Variants in DLGAP4 observed in about 807,000 individuals in gnomAD.
The protein encoded by DLGAP4 is DLG associated protein 4, also known as disks large-associated protein 4.
Under a neutral mutation model 86.9 loss-of-function variants are expected in DLGAP4, and 18 were observed. The ratio of observed to expected loss-of-function variants is 0.21; its 90% CI spans 0.14 to 0.31. DLGAP4 has a LOEUF of 0.31. Among genes scored for constraint, DLGAP4 ranks in the 10% least tolerant of loss-of-function variants. The pLI is 1.00. For missense variants in DLGAP4, 1,085 were observed against 1,362.6 expected, an observed-to-expected ratio of 0.80 and a Z score of 3.21; for synonymous variants, 548 against 574.3, an observed-to-expected ratio of 0.95 and a Z score of 0.65.
At chr20:36,461,407 C>CGGGGGGCGGG (rs1569506325) in intron 7 of DLGAP4, 14 of 961,168 alleles carry the variant, frequency 1.5e-5, no homozygotes, top group East Asian at 1.2e-4. Context: ...GCGGCTGACG[C>CGGGGGGCGGG]GGGGGGCGGG....
intron 7 of DLGAP4, among the ~76,000 whole-genome samples, chr20:36,453,452 TCA>T (rs2033793569): frequency 6.6e-6 from 1 of 151,870 alleles, no homozygotes; most frequent in African/African-American, 2.4e-5. Context: ...GAGTTCAAGA[TCA>T]GCCTGGGCAA....
chr20:36,378,834 T>C (rs1172250532), intron 2 of DLGAP4, among the ~76,000 whole-genome samples: 1 of 151,982 alleles, frequency 6.6e-6, no homozygotes. Context: ...TAATTCTATT[T>C]GGCTGGAGTA....
intron 7 of DLGAP4, among the ~76,000 whole-genome samples, chr20:36,466,928 C>G (rs1569509407): frequency 6.9e-6 from 1 of 145,466 alleles, no homozygotes; most frequent in Non-Finnish European, 1.5e-5. Context: ...CGCTCTTGCT[C>G]TCTCTCTCTC....
At position 36,485,364 on chromosome 20, in the gene DLGAP4, A is replaced by C. The variant is rs928494476; in HGVS notation, c.1649-11341A>C. 1.2e-3 allele frequency among the ~76,000 whole-genome samples: 181 copies of C among 152,216 alleles called. 1 individual carries two copies. Among genetic ancestry groups the C allele is most frequent in the Non-Finnish European group, 2.2e-3 (151 of 67,998 alleles). ...GAGACCCTGTCCCAAAAAAAAAAAA[A>C]AAAAACTGCTAGCTAATTTGAAATG... On this transcript the variant is annotated intron_variant, in intron 7 of 12. Transcript: ENST00000339266.
intron 1 of DLGAP4, among the ~76,000 whole-genome samples, chr20:36,319,659 C>A (rs1223077277): frequency 1.3e-5 from 2 of 152,170 alleles, no homozygotes; most frequent in African/African-American, 4.8e-5. Context: ...GGTCCAAAGA[C>A]CTCAGGGGTG....
At chr20:36,448,119 G>T (rs1488820216) in intron 7 of DLGAP4, among the ~76,000 whole-genome samples, 1 of 151,956 alleles carries the variant, frequency 6.6e-6, no homozygotes, top group Non-Finnish European at 1.5e-5. Context: ...ACTTTGGGGG[G>T]CCGAGGCAGA....
intron 2 of DLGAP4, among the ~76,000 whole-genome samples, chr20:36,394,255 G>A (rs2031874305): frequency 1.3e-5 from 2 of 152,156 alleles, no homozygotes; most frequent in African/African-American, 4.8e-5. Flanking sequence ...CGCCCGTGTG[G>A]TTAGATGTTT....
chr20:36,477,547 C>T (rs1273829886), intron 7 of DLGAP4, among the ~76,000 whole-genome samples: 2 of 152,184 alleles, frequency 1.3e-5, no homozygotes, highest in Non-Finnish European at 2.9e-5. Flanking sequence ...CTGGCCACTG[C>T]CCCCTATGGA....
chr20:36,386,479 G>A (rs1157933672), intron 2 of DLGAP4, among the ~76,000 whole-genome samples: 2 of 149,390 alleles, frequency 1.3e-5, no homozygotes, highest in Admixed American at 1.3e-4. Flanking sequence ...AGAAAAGAGG[G>A]ATGGGGGAGG....
Position 36,497,053 on chromosome 20 carries a change from C to T in DLGAP4, c.1997C>T (p.Ser666Leu), listed in dbSNP as rs151052180. 6.2e-7 allele frequency: 1 copy of T among 1,603,154 alleles called. No individual in the cohort carries two copies. The highest frequency in any genetic ancestry group is 8.5e-7 in the Non-Finnish European group (1 of 1,173,442). Reference protein sequence around the residue: ...PEAAPKRKLSSIGIQVDCIQP... With the variant: ...PEAAPKRKLSLIGIQVDCIQP... ...GCCGCCCCCAAAAGGAAACTGTCATCGATAGGAATACAAGTAGGGGCTCCT... is the reference window on the plus strand; with the variant it reads ...GCCGCCCCCAAAAGGAAACTGTCATTGATAGGAATACAAGTAGGGGCTCCT... The change falls in exon 8 of 13, where the codon TCG becomes TTG. Residue 666 changes from serine (S) to leucine (L), a missense_variant. Physicochemically the swap from Ser to Leu is moderately radical, Grantham distance 145. Coordinates refer to ENST00000339266, the MANE Select transcript of DLGAP4 (RefSeq NM_001365621.2).
chr20:36,505,774 G>A (rs2036337092), intron 10 of DLGAP4, among the ~76,000 whole-genome samples: 1 of 152,128 alleles, frequency 6.6e-6, no homozygotes, highest in Non-Finnish European at 1.5e-5. Context: ...GTGAGACCCT[G>A]TCTCAAAAGG....
intron 7 of DLGAP4, among the ~76,000 whole-genome samples, chr20:36,453,919 G>A (rs1300991070): frequency 1.6e-5 from 2 of 127,090 alleles, no homozygotes; most frequent in Non-Finnish European, 3.2e-5. Flanking sequence ...GGCGAAAAGA[G>A]TGAGACTCTG....
chr20:36,402,006 A>G (rs2032176535), intron 2 of DLGAP4, among the ~76,000 whole-genome samples: 1 of 152,220 alleles, frequency 6.6e-6, no homozygotes, highest in Admixed American at 6.5e-5. Context: ...AGCTGGAGAC[A>G]GTGGCAGGGC....
intron 2 of DLGAP4, among the ~76,000 whole-genome samples, chr20:36,416,668 G>A (rs2032663605): frequency 6.6e-6 from 1 of 152,218 alleles, no homozygotes; most frequent in Admixed American, 6.5e-5. Context: ...TAAGGTCAGG[G>A]AAGATTTCTT....
At position 36,308,603 on chromosome 20, in the gene DLGAP4, A is replaced by G. The variant is rs1292974400; in HGVS notation, c.-304+2091A>G. On this transcript the variant is annotated intron_variant, in intron 1 of 12. Transcript: ENST00000339266. This position sits in a 1 kb window ranked among gnomAD's most constrained non-coding sequence, Gnocchi z 4.5. ...CTTTCGGGAGACGCTGACGTATCGG[A>G]TGTATCGGGGCACCCACTGACATCT... Among the ~76,000 whole-genome samples the G allele has an allele frequency of 6.6e-6, 1 of 152,122 alleles. No individual in the cohort carries two copies. Among genetic ancestry groups the G allele is most frequent in the South Asian group, 2.1e-4 (1 of 4,822 alleles).
At chr20:36,512,650 G>A (rs1459699444) in intron 10 of DLGAP4, 1 of 152,306 alleles carries the variant, frequency 6.6e-6, no homozygotes, top group African/African-American at 2.4e-5. Context: ...CCACTGCACA[G>A]GCAGGGTCGG....
chr20:36,354,506 C>A (rs1555893683), intron 1 of DLGAP4, among the ~76,000 whole-genome samples: 1 of 152,158 alleles, frequency 6.6e-6, no homozygotes, highest in Non-Finnish European at 1.5e-5. Flanking sequence ...TCCGGACTGA[C>A]TCCTGCATTT....
At position 36,513,628 on chromosome 20, in the gene DLGAP4, A is replaced by G. The variant is rs1462727545; in HGVS notation, c.2513-10622A>G. The stretch of plus-strand genomic sequence containing the variant: ...AAATGAGAACCTCTGTGTACCTTCC[A>G]TTGGCACACAAATGGAAGCTGGGAG... On this transcript the variant is annotated intron_variant, in intron 10 of 12. Coordinates refer to ENST00000339266, the MANE Select transcript of DLGAP4 (RefSeq NM_001365621.2). Among the ~76,000 whole-genome samples, 3 of 151,488 alleles carry G rather than the reference A, an allele frequency of 2.0e-5. No individual in the cohort carries two copies. The East Asian group carries it at 5.8e-4, about 29-fold the overall frequency.
intron 5 of DLGAP4, among the ~76,000 whole-genome samples, chr20:36,441,255 C>CG (rs1157566155): frequency 6.6e-6 from 1 of 152,188 alleles, no homozygotes; most frequent in Non-Finnish European, 1.5e-5. Flanking sequence ...CCAGCCATGC[C>CG]GGCCTCCTTT....
Sources: allele counts gnomAD v4.1 joint callset (sites outside exome capture counted in the v4.1 genomes callset), GRCh38; gene constraint gnomAD v4.1.1; non-coding constraint Gnocchi (gnomAD v3.1); transcripts MANE v1.5; gene names NCBI Gene and HGNC (gene_info 2026-07-23, HGNC 2026-07-21).